The following PODN variants were observed in gnomAD, a reference collection of about 807,000 sequenced individuals.
The protein encoded by PODN is podocan.
In PODN, 40 loss-of-function variants were observed where a neutral mutation model predicts 52.7. The ratio of observed to expected loss-of-function variants is 0.76; its 90% CI spans 0.59 to 0.99. The LOEUF (loss-of-function observed/expected upper bound fraction) is 0.99, where lower values mean the gene tolerates loss of function less well. Ranked by LOEUF, PODN falls within the 50% of genes least tolerant of loss-of-function variation. The pLI, the probability that PODN is intolerant of heterozygous loss-of-function variation, is 0.00. For synonymous variants in PODN, 396 were observed against 377.9 expected (o/e 1.05, Z -0.56); for missense variants, 720 against 815.1 (o/e 0.88, Z 1.42).
intron 1 of PODN, among the ~76,000 whole-genome samples, chr1:53,066,401 A>T (rs768539107): frequency 6.6e-6 from 1 of 152,244 alleles, no homozygotes; most frequent in Non-Finnish European, 1.5e-5. Flanking sequence ...GATGTCATTA[A>T]TATTAATATT....
intron 4 of PODN, among the ~76,000 whole-genome samples, chr1:53,075,021 G>T (rs1283083056): frequency 2.0e-5 from 3 of 152,106 alleles, no homozygotes. Flanking sequence ...CAGGGTGGGG[G>T]GCACTGCAGT....
intron 7 of PODN, 143 bp from the exon 8 acceptor site, chr1:53,078,222 C>A: frequency 1.2e-6 from 1 of 824,304 alleles, no homozygotes; most frequent in South Asian, 1.7e-5. Flanking sequence ...ACCCAAGGAG[C>A]AAGGACTGAG....
rs183323876 is a variant in PODN at position 53,078,479 on chromosome 1, C to T, written c.969C>T (p.Ser323=). 1.5e-5 allele frequency: 24 copies of T among 1,613,424 alleles called. No individual in the cohort carries two copies. The highest frequency in any genetic ancestry group is 3.3e-5 in the Admixed American group (2 of 60,034). Residue 323 remains serine (S), a synonymous_variant, in exon 8 of 11, where the codon AGC becomes AGT. Transcript: ENST00000312553. Reference sequence around the variant, plus strand: ...ACTTGGAGAAGAACGCCATCCGGAGCGTGGACGCGAATGTGCTGACCCCCA... The same window carrying T: ...ACTTGGAGAAGAACGCCATCCGGAGTGTGGACGCGAATGTGCTGACCCCCA... ...LLHLEKNAIR[S]VDANVLTPIR...
chr1:53,072,482 A>G (rs931066163), intron 3 of PODN, among the ~76,000 whole-genome samples: 2 of 152,226 alleles, frequency 1.3e-5, no homozygotes, highest in Non-Finnish European at 2.9e-5. Flanking sequence ...GACAGGCAGA[A>G]AAAAGTTAAA....
rs2150304617 is a variant in PODN, at chr1:53,078,988, GCC to G, written c.1482_1483del (p.Arg495CysfsTer30). ...AACCGACTGCGCAGCCGAGCCCTGG[GCC>G]CCCGTGCCTGGGTGGACCTCGCCCA... On this transcript the variant is annotated frameshift_variant, in exon 8 of 11. Transcript: ENST00000312553. LOFTEE classifies it high-confidence loss of function. 6.4e-7 allele frequency: 1 copy of G among 1,566,876 alleles called. No homozygotes were observed. The highest frequency in any genetic ancestry group is 1.8e-5 in the Admixed American group (1 of 55,412).
chr1:53,065,944 AC>A (rs142418747), intron 1 of PODN, among the ~76,000 whole-genome samples: 1,636 of 151,674 alleles, frequency 0.011, 32 homozygotes, highest in African/African-American at 0.037. Flanking sequence ...TAGAAATGTA[AC>A]GTGAGCCACA....
Position 53,069,198 on chromosome 1 carries a change from A to G in PODN, c.-55-603A>G, listed in dbSNP as rs116678011. Among the ~76,000 whole-genome samples, 441 of 152,324 alleles carry G rather than the reference A, an allele frequency of 2.9e-3. 2 individuals carry two copies. Among genetic ancestry groups the G allele is most frequent in the African/African-American group, 9.9e-3 (412 of 41,580 alleles). ...GTGTCCCGCTGCTCCCCCTCTTCCCATGTTCATAGCACTGGAATTGGTTCC... is the reference window on the plus strand; with the variant it reads ...GTGTCCCGCTGCTCCCCCTCTTCCCGTGTTCATAGCACTGGAATTGGTTCC... On this transcript the variant is annotated intron_variant, in intron 1 of 10. Transcript: ENST00000312553.
At chr1:53,063,414 G>A (rs1643988458) in intron 1 of PODN, 1 of 985,738 alleles carries the variant, frequency 1.0e-6, no homozygotes, top group Non-Finnish European at 1.2e-6. Context: ...GGCGCCACTG[G>A]TGTGAACCGG....
At chr1:53,079,311 G>A (rs1644250033) in intron 8 of PODN, among the ~76,000 whole-genome samples, 1 of 152,218 alleles carries the variant, frequency 6.6e-6, no homozygotes, top group Admixed American at 6.5e-5. Context: ...AGTACAGGTG[G>A]TATGACCGAG....
chr1:53,072,920 G>A lies in PODN; in HGVS notation c.406+1292G>A, dbSNP rs1360572260. ...TACTAAAAATACAAAAAATTATCCC[G>A]GTGTTCTGACAGGCACCTGTAATCC... On this transcript the variant is annotated intron_variant, in intron 3 of 10. Transcript: ENST00000312553. The A allele has an allele frequency of 3.1e-5, 5 of 163,626 alleles. No homozygotes were observed. The East Asian group carries it at 5.2e-4, about 17-fold the overall frequency. 10.1% of individuals were successfully genotyped at this position (163,626 alleles called of 1,614,324 possible).
Position 53,078,596 on chromosome 1 carries a change from C to T in PODN, c.1086C>T (p.His362=), listed in dbSNP as rs1387877001. 2.5e-6 allele frequency: 4 copies of T among 1,612,960 alleles called. No homozygotes were observed. In the African/African-American group the frequency reaches 4.0e-5, roughly 16 times the overall value. The change falls in exon 8 of 11, where the codon CAC becomes CAT. Residue 362 remains histidine, a synonymous_variant. Coordinates refer to ENST00000312553, the MANE Select transcript of PODN (RefSeq NM_153703.5). ...CCTTCCAGGGCCTCAAGCGGTTGCA[C>T]ACGGTGCACCTGTACAACAACGCGC... is the stretch of plus-strand genomic sequence containing the variant. ...PLAFQGLKRL[H]TVHLYNNALE...
chr1:53,065,557 C>T (rs1644019711), intron 1 of PODN, among the ~76,000 whole-genome samples: 1 of 152,220 alleles, frequency 6.6e-6, no homozygotes, highest in African/African-American at 2.4e-5. Flanking sequence ...CAGCACCTCT[C>T]TCTCTGCCAG....
intron 4 of PODN, among the ~76,000 whole-genome samples, chr1:53,075,645 G>T (rs1176331739): frequency 2.6e-5 from 4 of 152,234 alleles, no homozygotes; most frequent in African/African-American, 9.6e-5. Context: ...CAGGGGACAA[G>T]TCCTGAGGGC....
intron 5 of PODN, 89 bp downstream of exon 5, chr1:53,076,060 T>A: frequency 8.7e-7 from 1 of 1,152,106 alleles, no homozygotes; most frequent in Non-Finnish European, 1.3e-6. Flanking sequence ...CAGAGACAGG[T>A]CCCGAAGGAG....
intron 1 of PODN, among the ~76,000 whole-genome samples, chr1:53,069,374 G>A (rs1031028924): frequency 6.6e-6 from 1 of 152,234 alleles, no homozygotes; most frequent in Non-Finnish European, 1.5e-5. Flanking sequence ...TCAGGACCAA[G>A]TCAGGAAGGC....
At chr1:53,069,710 T>C (rs1323128461) in intron 1 of PODN, 91 bp from the exon 2 acceptor site, 1 of 1,475,392 alleles carries the variant, frequency 6.8e-7, no homozygotes, top group Non-Finnish European at 9.0e-7. Flanking sequence ...GGCTGGGCTC[T>C]GAGGACAGTC....
intron 5 of PODN, among the ~76,000 whole-genome samples, chr1:53,076,322 G>A (rs1347565969): frequency 6.6e-6 from 1 of 152,222 alleles, no homozygotes; most frequent in Admixed American, 6.5e-5. Flanking sequence ...GGTGCAGGCG[G>A]GGTGGGGGGC....
At chr1:53,064,733 C>T (rs1030674148) in intron 1 of PODN, among the ~76,000 whole-genome samples, 9 of 152,200 alleles carry the variant, frequency 5.9e-5, no homozygotes, top group Admixed American at 2.6e-4. Flanking sequence ...TTGATGCCAG[C>T]GGTGACAGGC....
At chr1:53,076,157 G>A (rs1386923433) in intron 5 of PODN, among the ~76,000 whole-genome samples, 186 bp downstream of exon 5, 1 of 152,218 alleles carries the variant, frequency 6.6e-6, no homozygotes, top group Non-Finnish European at 1.5e-5. Context: ...GACAGAGAGT[G>A]TTGTCTACAG....
Sources: allele counts gnomAD v4.1 joint callset (sites outside exome capture counted in the v4.1 genomes callset), GRCh38; gene constraint gnomAD v4.1.1; transcripts MANE v1.5; gene names NCBI Gene and HGNC (gene_info 2026-07-23, HGNC 2026-07-21).